Variants in TBC1D12 observed in about 807,000 individuals in gnomAD.
The protein encoded by TBC1D12 is TBC1 domain family, member 12.
A neutral mutation model predicts 86.7 loss-of-function variants in TBC1D12; 56 were observed. That is an observed-to-expected ratio of 0.65 (90% CI 0.52 to 0.81). The LOEUF is 0.81. Ranked by LOEUF, TBC1D12 falls within the 30% of genes least tolerant of loss-of-function variation. The pLI is 0.00. For synonymous variants in TBC1D12, 421 were observed against 411.7 expected (o/e 1.02, Z -0.27); for missense variants, 1,023 against 1,038.8 (o/e 0.98, Z 0.21).
At chr10:94,447,545 T>C in intron 2 of TBC1D12, 1 of 910,768 alleles carries the variant, frequency 1.1e-6, no homozygotes, top group Non-Finnish European at 1.3e-6. Context: ...AAAATCAAAC[T>C]GACTGAAGTT....
At chr10:94,530,075 A>AT (rs1842385584) in intron 11 of TBC1D12, among the ~76,000 whole-genome samples, 1 of 152,162 alleles carries the variant, frequency 6.6e-6, no homozygotes, top group Non-Finnish European at 1.5e-5. Context: ...GTGCAAAAGG[A>AT]TTTTTTTAAA....
At chr10:94,447,084 T>A (rs1180037209) in intron 2 of TBC1D12, among the ~76,000 whole-genome samples, 1 of 151,894 alleles carries the variant, frequency 6.6e-6, no homozygotes, top group South Asian at 2.1e-4. Flanking sequence ...AAACCTTTTT[T>A]ATGTATTATT....
chr10:94,409,837 T>G (rs2054907120), intron 1 of TBC1D12, among the ~76,000 whole-genome samples: 1 of 152,222 alleles, frequency 6.6e-6, no homozygotes, highest in Admixed American at 6.5e-5. Flanking sequence ...TTTAGATTTG[T>G]AGAAAAGTTG....
intron 2 of TBC1D12, among the ~76,000 whole-genome samples, chr10:94,463,904 C>G (rs1289006415): frequency 1.3e-5 from 2 of 152,104 alleles, no homozygotes; most frequent in Admixed American, 1.3e-4. Flanking sequence ...CCATAATGTA[C>G]TTGGTTATTT....
intron 5 of TBC1D12, among the ~76,000 whole-genome samples, 178 bp from the exon 6 acceptor site, chr10:94,500,043 T>C (rs2056374237): frequency 2.0e-5 from 3 of 152,320 alleles, no homozygotes; most frequent in Admixed American, 1.3e-4. Flanking sequence ...ATACATCTTG[T>C]AGGCTGTTGT....
chr10:94,529,502 CA>C (rs1359431420), intron 11 of TBC1D12, among the ~76,000 whole-genome samples: 2 of 152,140 alleles, frequency 1.3e-5, no homozygotes, highest in Non-Finnish European at 2.9e-5. Flanking sequence ...CCTGTAGTCA[CA>C]GCTACTCGGG....
At chr10:94,421,049 C>T (rs2055066712) in intron 1 of TBC1D12, among the ~76,000 whole-genome samples, 1 of 152,106 alleles carries the variant, frequency 6.6e-6, no homozygotes, top group Admixed American at 6.5e-5. Context: ...TTATTATTAA[C>T]TATAGTCACT....
chr10:94,521,869 C>T, intron 9 of TBC1D12, 86 bp from the exon 10 acceptor site: 1 of 1,222,710 alleles, frequency 8.2e-7, no homozygotes, highest in Non-Finnish European at 1.1e-6. Flanking sequence ...TGTAATGTCA[C>T]TGTAATTTTT....
At chr10:94,459,317 T>G (rs1309032458) in intron 2 of TBC1D12, among the ~76,000 whole-genome samples, 1 of 152,188 alleles carries the variant, frequency 6.6e-6, no homozygotes, top group Admixed American at 6.5e-5. Flanking sequence ...TGCTGATTGG[T>G]GCATTTACAA....
In TBC1D12 at chr10:94,513,298, T is replaced by C. The variant is rs1425711487; in HGVS notation, c.1761+1644T>C. 2.7e-5 allele frequency among the ~76,000 whole-genome samples: 4 copies of C among 149,042 alleles called. No individual in the cohort carries two copies. In the East Asian group the frequency reaches 8.1e-4, roughly 30 times the overall value. On this transcript the variant is annotated intron_variant, in intron 9 of 12. Transcript: ENST00000225235. ...GGCTGGGCACAGTGTCTCATACCTG[T>C]AAATCCCAGCACTTTGGGAGGTTGA...
At chr10:94,407,435 A>G (rs1235380063) in intron 1 of TBC1D12, among the ~76,000 whole-genome samples, 2 of 152,198 alleles carry the variant, frequency 1.3e-5, no homozygotes, top group African/African-American at 4.8e-5. Context: ...TAATCCCAAC[A>G]CTTTGGGAGG....
At chr10:94,506,271 T>G (rs1284441026) in intron 6 of TBC1D12, among the ~76,000 whole-genome samples, 1 of 152,148 alleles carries the variant, frequency 6.6e-6, no homozygotes, top group Non-Finnish European at 1.5e-5. Flanking sequence ...ACTCCTGACC[T>G]CAGGTGATCC....
At chr10:94,529,772 G>A (rs4316436) in intron 11 of TBC1D12, among the ~76,000 whole-genome samples, 63,809 of 151,784 alleles carry the variant, frequency 0.42, 13,856 homozygotes, top group East Asian at 0.76. Context: ...GGAAAAAAAA[G>A]TCCTCCATTG....
At chr10:94,435,339 T>C (rs2055279121) in intron 1 of TBC1D12, among the ~76,000 whole-genome samples, 1 of 152,220 alleles carries the variant, frequency 6.6e-6, no homozygotes, top group Non-Finnish European at 1.5e-5. Flanking sequence ...TTTCTAACAG[T>C]GTTCTTCCCC....
At chr10:94,427,774 G>A (rs1329523009) in intron 1 of TBC1D12, among the ~76,000 whole-genome samples, 5 of 135,844 alleles carry the variant, frequency 3.7e-5, no homozygotes, top group Admixed American at 2.4e-4. Flanking sequence ...GGAGGTTGCA[G>A]TGAGTCAAGA....
At chr10:94,418,872 T>A (rs2134059680) in intron 1 of TBC1D12, among the ~76,000 whole-genome samples, 1 of 145,866 alleles carries the variant, frequency 6.9e-6, no homozygotes, top group South Asian at 2.2e-4. Context: ...GTGCCCAGCC[T>A]TTTTTTTTTC....
chr10:94,529,160 C>G (rs930196137), intron 11 of TBC1D12, among the ~76,000 whole-genome samples: 1 of 151,942 alleles, frequency 6.6e-6, no homozygotes, highest in Non-Finnish European at 1.5e-5. Flanking sequence ...ACAGGCAAAC[C>G]ACTACACCCA....
intron 4 of TBC1D12, among the ~76,000 whole-genome samples, chr10:94,496,667 A>G (rs1168267180): frequency 6.6e-6 from 1 of 152,116 alleles, no homozygotes; most frequent in African/African-American, 2.4e-5. Flanking sequence ...CTTTTATTCC[A>G]CTTACTTTTA....
At chr10:94,465,768 GTATACGCATACATACATACA>G (rs1217458507) in intron 2 of TBC1D12, among the ~76,000 whole-genome samples, 33 of 148,372 alleles carry the variant, frequency 2.2e-4, no homozygotes, top group African/African-American at 7.3e-4. Context: ...ACATACATAC[GTATACGCATACATACATACA>G]TATACGCATA....
Sources: allele counts gnomAD v4.1 joint callset (sites outside exome capture counted in the v4.1 genomes callset), GRCh38; gene constraint gnomAD v4.1.1; transcripts MANE v1.5; gene names NCBI Gene and HGNC (gene_info 2026-07-23, HGNC 2026-07-21).